The following WDR7 variants were observed in gnomAD, a reference collection of about 807,000 sequenced individuals.
The protein encoded by WDR7 is WD repeat-containing protein 7.
A neutral mutation model predicts 169.4 loss-of-function variants in WDR7; 46 were observed. The observed-to-expected ratio is 0.27, with a 90% CI of 0.21 to 0.35. The LOEUF (loss-of-function observed/expected upper bound fraction) is 0.35, where lower values mean the gene tolerates loss of function less well. Among genes scored for constraint, WDR7 ranks in the 10% least tolerant of loss-of-function variants. WDR7 has a pLI of 1.00. For missense variants in WDR7, 1,534 were observed against 1,859.3 expected, an observed-to-expected ratio of 0.83 and a Z score of 3.22; for synonymous variants, 612 against 666.8, an observed-to-expected ratio of 0.92 and a Z score of 1.27.
chr18:56,949,418 A>G (rs983320699), intron 25 of WDR7, among the ~76,000 whole-genome samples: 9 of 152,252 alleles, frequency 5.9e-5, no homozygotes, highest in Non-Finnish European at 5.9e-5. Flanking sequence ...TATTGAGAAA[A>G]GTAGCCTTGC....
At chr18:57,006,054 A>T (rs2048054052) in intron 26 of WDR7, among the ~76,000 whole-genome samples, 1 of 152,238 alleles carries the variant, frequency 6.6e-6, no homozygotes, top group Non-Finnish European at 1.5e-5. Flanking sequence ...GGAAAATATT[A>T]TATTAAATGG....
At chr18:56,801,349 G>C (rs1228108799) in intron 19 of WDR7, among the ~76,000 whole-genome samples, 30 of 152,024 alleles carry the variant, frequency 2.0e-4, no homozygotes, top group Non-Finnish European at 3.5e-4. Context: ...TAGGTCAGCT[G>C]TTTTTGTTTA....
At chr18:56,720,283 C>CAA (rs199724416) in intron 13 of WDR7, among the ~76,000 whole-genome samples, 7 of 149,526 alleles carry the variant, frequency 4.7e-5, no homozygotes, top group African/African-American at 1.7e-4. Flanking sequence ...TCTGTCTCTA[C>CAA]AAAAAAAAAT....
chr18:56,866,869 G>A (rs945366597), intron 20 of WDR7, among the ~76,000 whole-genome samples: 3 of 152,036 alleles, frequency 2.0e-5, no homozygotes, highest in African/African-American at 7.2e-5. Context: ...AGCATTTCTA[G>A]CATAAAGAAA....
intron 19 of WDR7, among the ~76,000 whole-genome samples, chr18:56,786,549 A>G (rs1361606066): frequency 6.6e-6 from 1 of 151,886 alleles, no homozygotes; most frequent in Non-Finnish European, 1.5e-5. Flanking sequence ...AAACAAAACA[A>G]AGAAACAAAA....
chr18:56,885,834 A>AG (rs985360111), intron 21 of WDR7, among the ~76,000 whole-genome samples: 3 of 151,886 alleles, frequency 2.0e-5, no homozygotes, highest in Admixed American at 2.0e-4. Context: ...CTCAAAAAAA[A>AG]AAAAAAACAA....
chr18:56,952,601 T>C (rs1420855315), intron 25 of WDR7, among the ~76,000 whole-genome samples: 1 of 152,226 alleles, frequency 6.6e-6, no homozygotes. Flanking sequence ...AAATCACATG[T>C]TTTAAGAAAA....
intron 19 of WDR7, among the ~76,000 whole-genome samples, chr18:56,808,022 C>T (rs1400855964): frequency 6.6e-6 from 1 of 152,076 alleles, no homozygotes; most frequent in Non-Finnish European, 1.5e-5. Flanking sequence ...TTTCTATGGC[C>T]TTTGTGTGTA....
At chr18:56,719,991 A>G (rs769208337) in intron 13 of WDR7, among the ~76,000 whole-genome samples, 30 of 152,042 alleles carry the variant, frequency 2.0e-4, no homozygotes, top group African/African-American at 6.0e-4. Flanking sequence ...ATGTGTATCT[A>G]TTTCCTACTA....
chr18:56,956,512 T>C (rs375333949), intron 25 of WDR7, among the ~76,000 whole-genome samples: 4 of 152,256 alleles, frequency 2.6e-5, no homozygotes, highest in African/African-American at 9.6e-5. Context: ...CTCCTCAAGT[T>C]TGTGGCCCCG....
In WDR7 at chr18:56,935,768, T is replaced by G. The variant is rs757373774; in HGVS notation, c.3714-20T>G. The G allele has an allele frequency of 3.7e-6, 6 of 1,608,308 alleles. 1 individual carries two copies. The South Asian group carries it at 6.6e-5, about 18-fold the overall frequency. ...CTAATGCTTCTTTTCTTTTTTTCCCTTTTTCTGATCCCTGTTTAGCATCAC... is the reference window on the plus strand; with the variant it reads ...CTAATGCTTCTTTTCTTTTTTTCCCGTTTTCTGATCCCTGTTTAGCATCAC... On this transcript the variant is annotated intron_variant, in intron 22 of 27. Coordinates refer to ENST00000254442, the MANE Select transcript of WDR7 (RefSeq NM_015285.3).
chr18:57,022,546 A>G (rs1331823848), intron 27 of WDR7, among the ~76,000 whole-genome samples: 2 of 152,252 alleles, frequency 1.3e-5, no homozygotes, highest in Non-Finnish European at 2.9e-5. Context: ...AATTTCTTAT[A>G]TAAGAAATAC....
Position 56,757,232 on chromosome 18 carries a change from A to G in WDR7, c.2639A>G (p.Tyr880Cys). Residue 880 changes from tyrosine (Y) to cysteine (C), a missense_variant, in exon 15 of 28, where the codon TAC becomes TGC. Transcript: ENST00000254442. ...TCTGAGGGAGTAGGAAAGGGAACTT[A>G]CGGAGTGTCCCGTGCCGTCACCACA... is the stretch of plus-strand genomic sequence containing the variant. ...PASEGVGKGT[Y>C]GVSRAVTTQH... is the part of the protein sequence containing the mutation. 6.2e-7 allele frequency: 1 copy of G among 1,614,112 alleles called. No homozygotes were observed. The highest frequency in any genetic ancestry group is 8.5e-7 in the Non-Finnish European group (1 of 1,179,988).
chr18:56,816,204 C>T, intron 20 of WDR7, 60 bp downstream of exon 20: 1 of 1,445,318 alleles, frequency 6.9e-7, no homozygotes. Flanking sequence ...AAAATGTTTT[C>T]TAGGTTATTT....
chr18:56,811,507 C>G (rs2044869108), intron 19 of WDR7, among the ~76,000 whole-genome samples: 1 of 152,124 alleles, frequency 6.6e-6, no homozygotes, highest in Non-Finnish European at 1.5e-5. Context: ...ATGAAGCCCA[C>G]TTTGCCAATT....
intron 21 of WDR7, among the ~76,000 whole-genome samples, chr18:56,880,623 G>C (rs558148386): frequency 6.6e-6 from 1 of 151,948 alleles, no homozygotes. Context: ...AAATTAATGG[G>C]CATATTAATA....
At chr18:56,764,975 G>A (rs1195786135) in intron 16 of WDR7, among the ~76,000 whole-genome samples, 3 of 151,956 alleles carry the variant, frequency 2.0e-5, no homozygotes, top group African/African-American at 7.3e-5. Flanking sequence ...TTGATTATTT[G>A]ACCCTCGTCA....
At chr18:56,684,537 C>G (rs1342623116) in intron 5 of WDR7, among the ~76,000 whole-genome samples, 1 of 152,208 alleles carries the variant, frequency 6.6e-6, no homozygotes, top group Non-Finnish European at 1.5e-5. Context: ...CTTGCAGGCT[C>G]TCACTGTAGA....
intron 20 of WDR7, among the ~76,000 whole-genome samples, chr18:56,878,118 TAAG>T (rs938936119): frequency 1.3e-5 from 2 of 152,210 alleles, no homozygotes; most frequent in Non-Finnish European, 2.9e-5. Flanking sequence ...AGAGTGAGGT[TAAG>T]AAAGGAAATT....
Sources: allele counts gnomAD v4.1 joint callset (sites outside exome capture counted in the v4.1 genomes callset), GRCh38; gene constraint gnomAD v4.1.1; transcripts MANE v1.5; gene names NCBI Gene and HGNC (gene_info 2026-07-23, HGNC 2026-07-21).